The following BCKDHB variants were observed in gnomAD, a reference collection of about 807,000 sequenced individuals.
BCKDHB encodes the protein 2-oxoisovalerate dehydrogenase subunit beta, mitochondrial.
A neutral mutation model predicts 48.5 loss-of-function variants in BCKDHB; 41 were observed. That is an observed-to-expected ratio of 0.85 (90% CI 0.66 to 1.10). BCKDHB has a LOEUF of 1.10. BCKDHB is among the 50% of genes least tolerant of loss of function. BCKDHB has a pLI of 0.00. For missense variants in BCKDHB, 496 were observed against 494.2 expected (o/e 1.00, Z -0.03); for synonymous variants, 201 against 174.8 (o/e 1.15, Z -1.18).
At chr6:80,411,847 C>T in the BCKDHB span, among the ~76,000 whole-genome samples, 3 of 152,228 alleles carry the variant, frequency 2.0e-5, no homozygotes, top group East Asian at 5.8e-4. Flanking sequence ...AGAAGTGTAT[C>T]AGTTTTCCAG....
intron 8 of BCKDHB, among the ~76,000 whole-genome samples, chr6:80,239,024 A>G (rs1406905388): frequency 6.6e-6 from 1 of 152,186 alleles, no homozygotes; most frequent in Non-Finnish European, 1.5e-5. Context: ...GGTTGGTTCC[A>G]AGTCTTTGCT....
At chr6:80,451,944 T>C in the BCKDHB span, among the ~76,000 whole-genome samples, 1 of 152,156 alleles carries the variant, frequency 6.6e-6, no homozygotes, top group Non-Finnish European at 1.5e-5. Flanking sequence ...ATCTGTGATG[T>C]CAAATAATCC....
chr6:80,244,345 T>C lies in BCKDHB; in HGVS notation c.952-28790T>C, dbSNP rs577813002. 7.2e-5 allele frequency among the ~76,000 whole-genome samples: 11 copies of C among 152,336 alleles called. 1 individual carries two copies. In the South Asian group the frequency reaches 2.1e-3, roughly 29 times the overall value. ...TGTTGTAGAAGTAATAACTAGGCAA[T>C]GAATGGTTTCAAAAACATGTTAGAA... On this transcript the variant is annotated intron_variant, in intron 8 of 9. Coordinates refer to ENST00000320393, the MANE Select transcript of BCKDHB (RefSeq NM_183050.4).
chr6:80,181,115 A>T (rs1773391554), intron 6 of BCKDHB, among the ~76,000 whole-genome samples: 1 of 152,198 alleles, frequency 6.6e-6, no homozygotes, highest in Non-Finnish European at 1.5e-5. Context: ...TTTATAAATC[A>T]TCCAGTCTTA....
the BCKDHB span, among the ~76,000 whole-genome samples, chr6:80,416,994 T>C: frequency 1.3e-5 from 2 of 152,240 alleles, 1 homozygote; most frequent in South Asian, 4.2e-4. Flanking sequence ...TCTAAGTCTC[T>C]TTAAAGCTTT....
At chr6:80,358,510 G>A in the BCKDHB span, among the ~76,000 whole-genome samples, 4 of 152,178 alleles carry the variant, frequency 2.6e-5, no homozygotes, top group African/African-American at 7.2e-5. Context: ...CTGGATTGTA[G>A]TGTATTCACA....
At chr6:80,284,115 A>G (rs980506983) in intron 9 of BCKDHB, among the ~76,000 whole-genome samples, 1 of 152,126 alleles carries the variant, frequency 6.6e-6, no homozygotes, top group African/African-American at 2.4e-5. Context: ...AATTTAGGGT[A>G]ATTAAACTTA....
the BCKDHB span, among the ~76,000 whole-genome samples, chr6:80,398,789 A>T: frequency 3.3e-5 from 5 of 152,038 alleles, no homozygotes; most frequent in Non-Finnish European, 7.4e-5. Context: ...ATACAAAAAC[A>T]ACAGCAAAAA....
the BCKDHB span, among the ~76,000 whole-genome samples, chr6:80,425,780 ATGT>A: frequency 4.1e-4 from 62 of 152,304 alleles, no homozygotes; most frequent in African/African-American, 1.5e-3. Flanking sequence ...AAGGGGGATA[ATGT>A]TGTGAAATGA....
At chr6:80,252,923 C>G (rs928871569) in intron 8 of BCKDHB, among the ~76,000 whole-genome samples, 2 of 152,096 alleles carry the variant, frequency 1.3e-5, no homozygotes, top group Non-Finnish European at 2.9e-5. Flanking sequence ...TTTCTTCACC[C>G]CCTCCTCCTC....
chr6:80,200,246 C>T (rs374103005), intron 6 of BCKDHB, among the ~76,000 whole-genome samples: 10 of 152,030 alleles, frequency 6.6e-5, no homozygotes, highest in African/African-American at 1.7e-4. Context: ...TCTCAGATAC[C>T]AGTGGCTTCC....
the BCKDHB span, among the ~76,000 whole-genome samples, chr6:80,462,466 G>A: frequency 6.6e-6 from 1 of 152,138 alleles, no homozygotes; most frequent in Admixed American, 6.5e-5. Flanking sequence ...GAGGATTTCT[G>A]GGCAACTTTT....
At chr6:80,324,072 C>T (rs1288198958) in intron 9 of BCKDHB, among the ~76,000 whole-genome samples, 1 of 152,022 alleles carries the variant, frequency 6.6e-6, no homozygotes, top group Non-Finnish European at 1.5e-5. Flanking sequence ...GTGCCCGGCC[C>T]AAAATTATTT....
chr6:80,360,804 G>A, the BCKDHB span, among the ~76,000 whole-genome samples: 11 of 151,930 alleles, frequency 7.2e-5, no homozygotes, highest in Admixed American at 3.9e-4. Flanking sequence ...TCAGGAGTTC[G>A]AGACCAGCCT....
At chr6:80,360,972 C>A in the BCKDHB span, among the ~76,000 whole-genome samples, 1 of 141,314 alleles carries the variant, frequency 7.1e-6, no homozygotes. Context: ...CCACTGCACT[C>A]CAGCCTGGGT....
rs541424162 is a variant in BCKDHB at position 80,338,304 on chromosome 6, T to C, written c.1039-5360T>C. Among the ~76,000 whole-genome samples, 10 of 152,392 alleles carry C rather than the reference T, an allele frequency of 6.6e-5. No individual in the cohort carries two copies. The East Asian group carries it at 1.3e-3, about 21-fold the overall frequency. On this transcript the variant is annotated intron_variant, in intron 9 of 9. Coordinates refer to ENST00000320393, the MANE Select transcript of BCKDHB (RefSeq NM_183050.4). ...CATCCAGTTGTCTATTGGGCTTTTT[T>C]ACTCTAACTTTTCGGAAGTTGACTG...
chr6:80,370,280 T>C, the BCKDHB span, among the ~76,000 whole-genome samples: 2 of 152,198 alleles, frequency 1.3e-5, no homozygotes. Flanking sequence ...ACTGTCTTTC[T>C]CTTCGGAAAA....
At chr6:80,166,336 G>A (rs903411583) in intron 3 of BCKDHB, among the ~76,000 whole-genome samples, 1 of 151,860 alleles carries the variant, frequency 6.6e-6, no homozygotes, top group Non-Finnish European at 1.5e-5. Flanking sequence ...TCTTCTTTGA[G>A]CTGTGAGTTA....
At chr6:80,195,373 TATCTC>T (rs1013224383) in intron 6 of BCKDHB, among the ~76,000 whole-genome samples, 18 of 152,142 alleles carry the variant, frequency 1.2e-4, no homozygotes, top group African/African-American at 4.1e-4. Context: ...TATTCTTTCT[TATCTC>T]TAGCATCAGT....
Sources: gnomAD v4.1 joint callset for allele counts (sites outside exome capture counted in the v4.1 genomes callset) on GRCh38, gnomAD v4.1.1 for gene constraint, MANE v1.5 for transcripts, NCBI Gene and HGNC (gene_info 2026-07-23, HGNC 2026-07-21) for gene names.